STK32B: variants seen among roughly 807,000 people sequenced by gnomAD.
The protein encoded by STK32B is serine/threonine kinase 32B.
STK32B carries 43 observed loss-of-function variants against 52.6 expected under a neutral mutation model. That is an observed-to-expected ratio of 0.82 (90% CI 0.64 to 1.05). The LOEUF (loss-of-function observed/expected upper bound fraction) is 1.05. Ranked by LOEUF, STK32B falls within the 50% of genes least tolerant of loss-of-function variation. The pLI is 0.00. For synonymous variants in STK32B, 238 were observed against 204.3 expected, an observed-to-expected ratio of 1.17 and a Z score of -1.41; for missense variants, 621 against 534.6, an observed-to-expected ratio of 1.16 and a Z score of -1.59.
intron 3 of STK32B, among the ~76,000 whole-genome samples, chr4:5,310,608 C>T (rs1730231300): frequency 6.6e-6 from 1 of 151,858 alleles, no homozygotes; most frequent in Non-Finnish European, 1.5e-5. Context: ...TTAGTATAGC[C>T]ATTATGGAAA....
At chr4:5,185,176 AC>A (rs1720652801) in intron 3 of STK32B, among the ~76,000 whole-genome samples, 1 of 152,154 alleles carries the variant, frequency 6.6e-6, no homozygotes, top group Non-Finnish European at 1.5e-5. Context: ...ATCCATTTCT[AC>A]TTACCTAATT....
At chr4:5,213,148 G>A (rs1450187421) in intron 3 of STK32B, among the ~76,000 whole-genome samples, 1 of 152,016 alleles carries the variant, frequency 6.6e-6, no homozygotes, top group Non-Finnish European at 1.5e-5. Flanking sequence ...TTAATTCTGG[G>A]GCTGTTCTTC....
chr4:5,106,296 A>C (rs969340815), intron 1 of STK32B, among the ~76,000 whole-genome samples: 1 of 152,136 alleles, frequency 6.6e-6, no homozygotes, highest in Non-Finnish European at 1.5e-5. Flanking sequence ...GTGAGACTCC[A>C]TCTCAAAAAA....
intron 4 of STK32B, among the ~76,000 whole-genome samples, chr4:5,360,097 T>G (rs570959629): frequency 6.6e-6 from 1 of 152,230 alleles, no homozygotes; most frequent in South Asian, 2.1e-4. Context: ...TTGCTGGAGA[T>G]CAGAGGAATA....
chr4:5,213,636 A>G (rs1241488473), intron 3 of STK32B, among the ~76,000 whole-genome samples: 1 of 152,202 alleles, frequency 6.6e-6, no homozygotes, highest in Non-Finnish European at 1.5e-5. Context: ...TTTCCCCTTT[A>G]GTAAAAACCT....
upstream of STK32B, among the ~76,000 whole-genome samples, chr4:5,048,497 G>A (rs1440724431): frequency 2.0e-5 from 3 of 152,046 alleles, no homozygotes; most frequent in Admixed American, 6.6e-5. Context: ...GGGTTTCACC[G>A]TGTTGGCTAA....
chr4:5,488,809 A>T (rs1358835797), intron 11 of STK32B, among the ~76,000 whole-genome samples: 1 of 151,996 alleles, frequency 6.6e-6, no homozygotes, highest in Non-Finnish European at 1.5e-5. Flanking sequence ...CAGTTCTTTT[A>T]TATCTTGTTT....
At chr4:5,147,453 G>A (rs1717000303) in intron 2 of STK32B, among the ~76,000 whole-genome samples, 1 of 151,916 alleles carries the variant, frequency 6.6e-6, no homozygotes, top group South Asian at 2.1e-4. Context: ...AAAACCCTCG[G>A]TACAATATTG....
intron 1 of STK32B, among the ~76,000 whole-genome samples, chr4:5,101,944 A>G (rs529623560): frequency 6.6e-6 from 1 of 152,294 alleles, no homozygotes; most frequent in African/African-American, 2.4e-5. Context: ...GTCATCTTCC[A>G]TCCTGGTTTG....
intron 5 of STK32B, among the ~76,000 whole-genome samples, chr4:5,402,182 C>T (rs1396450146): frequency 6.6e-6 from 1 of 152,218 alleles, no homozygotes; most frequent in East Asian, 1.9e-4. Flanking sequence ...AACCTAGAGT[C>T]AGAGAGACTA....
intron 3 of STK32B, among the ~76,000 whole-genome samples, chr4:5,261,048 T>C (rs1336304042): frequency 6.6e-6 from 1 of 152,118 alleles, no homozygotes; most frequent in Non-Finnish European, 1.5e-5. Context: ...TCAAGGCGGC[T>C]CTTTAGTGGA....
Position 5,148,403 on chromosome 4 carries a change from T to A in STK32B, c.108+8443T>A, listed in dbSNP as rs1717088472. On this transcript the variant is annotated intron_variant, in intron 2 of 11. Coordinates refer to ENST00000282908, the MANE Select transcript of STK32B (RefSeq NM_018401.3). ...CTATAAATTTTCCTCTAAGGACTGC[T>A]TAAGTTACACCCCCAAAATTTGATA... 4.6e-5 allele frequency among the ~76,000 whole-genome samples: 7 copies of A among 151,978 alleles called. No homozygotes were observed. The South Asian group carries it at 1.5e-3, about 31-fold the overall frequency.
intron 4 of STK32B, among the ~76,000 whole-genome samples, chr4:5,375,025 TCTC>T (rs1225213436): frequency 2.0e-5 from 3 of 152,072 alleles, no homozygotes; most frequent in African/African-American, 7.2e-5. Flanking sequence ...AGAAGAACCT[TCTC>T]CTCCCATGAG....
In STK32B at chr4:5,498,936, T is replaced by C; in HGVS notation, c.1107-9T>C. ...CGCACCACTAACTCAGATCTGTGCT[T>C]GTTTGCAGGCTCAGGAGGCAGCAGG... On this transcript the variant is annotated splice_polypyrimidine_tract_variant and intron_variant, in intron 11 of 11. Transcript: ENST00000282908. 1.2e-6 allele frequency: 2 copies of C among 1,610,722 alleles called. No homozygotes were observed. Among genetic ancestry groups the C allele is most frequent in the Admixed American group, 3.3e-5 (2 of 59,768 alleles).
chr4:5,393,563 G>A (rs978093903), intron 4 of STK32B, among the ~76,000 whole-genome samples: 10 of 152,186 alleles, frequency 6.6e-5, no homozygotes, highest in Admixed American at 5.2e-4. Flanking sequence ...AAAAGGCAAA[G>A]TGGAAGCAGG....
chr4:5,271,085 A>C (rs940214811), intron 3 of STK32B, among the ~76,000 whole-genome samples: 2 of 151,952 alleles, frequency 1.3e-5, no homozygotes, highest in Non-Finnish European at 2.9e-5. Flanking sequence ...CTGCAGGTGC[A>C]TGCCACCATG....
chr4:5,292,066 C>T (rs2108884798), intron 3 of STK32B, among the ~76,000 whole-genome samples: 1 of 152,142 alleles, frequency 6.6e-6, no homozygotes. Flanking sequence ...AGGTTGATGC[C>T]ATGTCTTTGT....
At chr4:5,036,775 C>T in the STK32B span, among the ~76,000 whole-genome samples, 1 of 144,514 alleles carries the variant, frequency 6.9e-6, no homozygotes, top group Non-Finnish European at 1.5e-5. Context: ...TCAAGCAATT[C>T]TCCTGCCTCA....
chr4:5,180,613 A>T (rs952140631), intron 3 of STK32B, among the ~76,000 whole-genome samples: 1 of 152,142 alleles, frequency 6.6e-6, no homozygotes, highest in African/African-American at 2.4e-5. Flanking sequence ...TCTCTCCCCA[A>T]CCAGAAGAGG....
Sources: gnomAD v4.1 joint callset for allele counts (sites outside exome capture counted in the v4.1 genomes callset) on GRCh38, gnomAD v4.1.1 for gene constraint, MANE v1.5 for transcripts, NCBI Gene and HGNC (gene_info 2026-07-23, HGNC 2026-07-21) for gene names.